Variants in CLDN16 observed in about 807,000 individuals in gnomAD.
CLDN16 encodes claudin 16.
CLDN16 carries 13 observed loss-of-function variants against 24.6 expected under a neutral mutation model. The observed-to-expected ratio is 0.53, with a 90% CI of 0.34 to 0.84. The LOEUF is 0.84. Ranked by LOEUF, CLDN16 falls within the 40% of genes least tolerant of loss-of-function variation. The pLI, the probability that CLDN16 is intolerant of heterozygous loss-of-function variation, is 0.01. For synonymous variants in CLDN16, 116 were observed against 106.7 expected (o/e 1.09, Z -0.54); for missense variants, 298 against 292.7 (o/e 1.02, Z -0.13).
At chr3:190,399,604 A>G (rs1210191707) in intron 1 of CLDN16, among the ~76,000 whole-genome samples, 1 of 152,254 alleles carries the variant, frequency 6.6e-6, no homozygotes, top group Non-Finnish European at 1.5e-5. Context: ...GTTTTGATAC[A>G]TATAATGTAT....
At chr3:190,355,411 C>G (rs556147994) in intron 1 of CLDN16, among the ~76,000 whole-genome samples, 1 of 151,934 alleles carries the variant, frequency 6.6e-6, no homozygotes, top group Non-Finnish European at 1.5e-5. Flanking sequence ...TCTCTTCAAA[C>G]TTTTGATTTT....
intron 1 of CLDN16, among the ~76,000 whole-genome samples, chr3:190,345,511 C>T (rs192863922): frequency 2.0e-5 from 3 of 152,166 alleles, no homozygotes; most frequent in Non-Finnish European, 4.4e-5. Flanking sequence ...AAACAAGCCT[C>T]GTGTTTTTCC....
chr3:190,409,245 C>CATGTATATATGCACACAT (rs1719201603), intron 4 of CLDN16, among the ~76,000 whole-genome samples: 2 of 97,360 alleles, frequency 2.1e-5, no homozygotes, highest in East Asian at 4.8e-4. Flanking sequence ...TATGCACACA[C>CATGTATATATGCACACAT]GTATATGCAT....
intron 1 of CLDN16, among the ~76,000 whole-genome samples, chr3:190,396,213 A>G (rs1419458518): frequency 6.6e-6 from 1 of 152,114 alleles, no homozygotes; most frequent in Non-Finnish European, 1.5e-5. Context: ...CATCATCTCT[A>G]TGGTTTCCTA....
intron 1 of CLDN16, among the ~76,000 whole-genome samples, chr3:190,343,424 A>C (rs997053421): frequency 2.6e-5 from 4 of 152,148 alleles, no homozygotes; most frequent in African/African-American, 9.6e-5. Context: ...TATAGCTACT[A>C]TATGATCCAG....
At chr3:190,376,146 G>A in intron 3 of CLDN16, among the ~76,000 whole-genome samples, 1 of 151,830 alleles carries the variant, frequency 6.6e-6, no homozygotes, top group Non-Finnish European at 1.5e-5. Flanking sequence ...AATATGTTGT[G>A]CTGAAACTAT....
At chr3:190,381,079 A>G (rs778840648) in intron 3 of CLDN16, among the ~76,000 whole-genome samples, 1 of 152,124 alleles carries the variant, frequency 6.6e-6, no homozygotes, top group South Asian at 2.1e-4. Context: ...AATACAAATG[A>G]CAAATAAACT....
At position 190,408,501 on chromosome 3, in the gene CLDN16, T is replaced by C; in HGVS notation, c.570T>C (p.Phe190=). 1.2e-6 allele frequency: 2 copies of C among 1,613,740 alleles called. No individual in the cohort carries two copies. Among genetic ancestry groups the C allele is most frequent in the Non-Finnish European group, 1.7e-6 (2 of 1,179,716 alleles). ...TTCTCACCTGCTGCTTATATCTTTT[T>C]AAAGGTAAGAATAAAATAAAATAGC... The part of the protein sequence containing the change: ...GAVLTCCLYL[F]KDVGPERNYP... Residue 190 remains phenylalanine (F), a synonymous_variant, in exon 4 of 5, where the codon TTT becomes TTC. Transcript: ENST00000264734.
chr3:190,406,827 C>T (rs1232367421), intron 3 of CLDN16, among the ~76,000 whole-genome samples: 2 of 150,416 alleles, frequency 1.3e-5, no homozygotes, highest in Admixed American at 1.3e-4. Context: ...CTGCAAGCTC[C>T]ACCTCCTGGG....
chr3:190,299,986 G>A, the CLDN16 span, among the ~76,000 whole-genome samples: 1 of 152,170 alleles, frequency 6.6e-6, no homozygotes, highest in African/African-American at 2.4e-5. Flanking sequence ...GAGAGAAGAT[G>A]ACTGAGCAAT....
the CLDN16 span, among the ~76,000 whole-genome samples, chr3:190,313,633 C>T: frequency 4.8e-3 from 738 of 152,248 alleles, 3 homozygotes; most frequent in Non-Finnish European, 7.6e-3. Context: ...AAGTCATTTT[C>T]TTAAAACTAA....
chr3:190,314,653 C>G, the CLDN16 span, among the ~76,000 whole-genome samples: 1 of 152,030 alleles, frequency 6.6e-6, no homozygotes, highest in Non-Finnish European at 1.5e-5. Context: ...GTCTGCCCAC[C>G]TCGGCCTCCC....
intron 1 of CLDN16, among the ~76,000 whole-genome samples, chr3:190,369,466 A>G (rs1197807652): frequency 6.6e-6 from 1 of 151,990 alleles, no homozygotes; most frequent in Non-Finnish European, 1.5e-5. Flanking sequence ...TGTCATTTTT[A>G]TTACACAACA....
chr3:190,344,353 G>A (rs1008064001), intron 1 of CLDN16, among the ~76,000 whole-genome samples: 6 of 151,362 alleles, frequency 4.0e-5, no homozygotes, highest in Non-Finnish European at 5.9e-5. Context: ...ATTCACTACT[G>A]GTATTAAAAG....
At chr3:190,316,345 C>T in the CLDN16 span, among the ~76,000 whole-genome samples, 45 of 152,242 alleles carry the variant, frequency 3.0e-4, no homozygotes, top group African/African-American at 9.6e-4. Context: ...CAAAATCTTG[C>T]TTTGCTTCAT....
intron 1 of CLDN16, among the ~76,000 whole-genome samples, chr3:190,352,564 A>T (rs2108636454): frequency 6.6e-6 from 1 of 152,304 alleles, no homozygotes; most frequent in South Asian, 2.1e-4. Flanking sequence ...CAGGTTAGCT[A>T]CTAATCATGT....
chr3:190,384,032 T>A (rs902268108), upstream of CLDN16, among the ~76,000 whole-genome samples: 2 of 152,192 alleles, frequency 1.3e-5, no homozygotes, highest in Non-Finnish European at 2.9e-5. Context: ...TTAACTAGCT[T>A]GCTCAAGATC....
intron 1 of CLDN16, among the ~76,000 whole-genome samples, chr3:190,393,967 C>A (rs766721270): frequency 4.0e-5 from 6 of 151,656 alleles, no homozygotes; most frequent in Non-Finnish European, 7.4e-5. Flanking sequence ...TGGCCAGGCT[C>A]GTCTTGAACT....
intron 4 of CLDN16, among the ~76,000 whole-genome samples, chr3:190,408,841 A>G (rs1454071114): frequency 6.1e-5 from 9 of 147,738 alleles, no homozygotes; most frequent in Admixed American, 3.4e-4. Flanking sequence ...TACTATATAC[A>G]TATATATACA....
Sources: gnomAD v4.1 joint callset for allele counts (sites outside exome capture counted in the v4.1 genomes callset) on GRCh38, gnomAD v4.1.1 for gene constraint, MANE v1.5 for transcripts, NCBI Gene and HGNC (gene_info 2026-07-23, HGNC 2026-07-21) for gene names.